SHISA9: variants seen among roughly 807,000 people sequenced by gnomAD.
The protein encoded by SHISA9 is shisa family member 9.
A neutral mutation model predicts 38.0 loss-of-function variants in SHISA9; 13 were observed. The ratio of observed to expected loss-of-function variants is 0.34; its 90% CI spans 0.22 to 0.54. The LOEUF (loss-of-function observed/expected upper bound fraction) is 0.54, where lower values mean the gene tolerates loss of function less well. SHISA9 is among the 20% of genes least tolerant of loss of function. SHISA9 has a pLI of 0.91. For missense variants in SHISA9, 538 were observed against 575.8 expected (o/e 0.93, Z 0.67); for synonymous variants, 275 against 242.0 (o/e 1.14, Z -1.27).
chr16:13,463,772 C>T, the SHISA9 span, among the ~76,000 whole-genome samples: 1 of 152,164 alleles, frequency 6.6e-6, no homozygotes, highest in Non-Finnish European at 1.5e-5. Flanking sequence ...AATCAGCAGG[C>T]AAAGAATTGA....
chr16:13,059,807 G>T (rs996684806), intron 2 of SHISA9, among the ~76,000 whole-genome samples: 1 of 152,110 alleles, frequency 6.6e-6, no homozygotes, highest in African/African-American at 2.4e-5. Flanking sequence ...TTACAAAAGG[G>T]GAGGTTTGGA....
At chr16:13,022,296 C>T (rs1456382535) in intron 2 of SHISA9, among the ~76,000 whole-genome samples, 1 of 151,808 alleles carries the variant, frequency 6.6e-6, no homozygotes, top group Non-Finnish European at 1.5e-5. Flanking sequence ...GGACGACAGG[C>T]ATGCACCACA....
At chr16:13,371,918 C>T in the SHISA9 span, among the ~76,000 whole-genome samples, 1 of 152,234 alleles carries the variant, frequency 6.6e-6, no homozygotes, top group East Asian at 1.9e-4. Flanking sequence ...TCAAACCCAC[C>T]CAGAGTCACA....
At chr16:13,018,941 C>T (rs927164041) in intron 2 of SHISA9, among the ~76,000 whole-genome samples, 15 of 152,222 alleles carry the variant, frequency 9.9e-5, no homozygotes, top group African/African-American at 3.4e-4. Context: ...CATTACTTTG[C>T]TCAAGCTACC....
At chr16:12,973,102 C>T (rs2072106634) in intron 2 of SHISA9, among the ~76,000 whole-genome samples, 1 of 152,120 alleles carries the variant, frequency 6.6e-6, no homozygotes, top group South Asian at 2.1e-4. Flanking sequence ...GGCAACAGAG[C>T]AAGATTCCAT....
At chr16:13,444,605 A>G in the SHISA9 span, among the ~76,000 whole-genome samples, 1 of 152,068 alleles carries the variant, frequency 6.6e-6, no homozygotes, top group Non-Finnish European at 1.5e-5. Context: ...TGTGTGAGCA[A>G]CACCAAACTG....
chr16:13,118,727 T>TCTC, intron 2 of SHISA9, among the ~76,000 whole-genome samples: 1 of 97,204 alleles, frequency 1.0e-5, no homozygotes, highest in Admixed American at 1.2e-4. Context: ...TCTTTTCTTT[T>TCTC]TTCTTTTTTT....
chr16:13,252,571 A>G, the SHISA9 span, among the ~76,000 whole-genome samples: 96 of 151,998 alleles, frequency 6.3e-4, no homozygotes, highest in Non-Finnish European at 9.3e-4. Context: ...ATTATATTTC[A>G]CCTTCTCAGT....
chr16:13,389,848 C>G, the SHISA9 span, among the ~76,000 whole-genome samples: 1 of 152,222 alleles, frequency 6.6e-6, no homozygotes, highest in Admixed American at 6.5e-5. Flanking sequence ...GCTATAATCA[C>G]TGAGGAATTC....
At chr16:12,955,005 G>T (rs2071809833) in intron 2 of SHISA9, among the ~76,000 whole-genome samples, 1 of 152,028 alleles carries the variant, frequency 6.6e-6, no homozygotes, top group Admixed American at 6.6e-5. Flanking sequence ...GCCTGGTACA[G>T]GGTTATCTCC....
chr16:13,297,578 C>T, the SHISA9 span, among the ~76,000 whole-genome samples: 2 of 152,056 alleles, frequency 1.3e-5, no homozygotes, highest in Non-Finnish European at 2.9e-5. Flanking sequence ...GGATTCCCAG[C>T]AAGAACGGAG....
intron 2 of SHISA9, among the ~76,000 whole-genome samples, chr16:12,923,841 CAA>C (rs1176140957): frequency 7.2e-6 from 1 of 139,622 alleles, no homozygotes; most frequent in African/African-American, 2.7e-5. Context: ...ACTCCATCTC[CAA>C]AAAAAAAAAA....
At chr16:13,027,174 C>G (rs1252334089) in intron 2 of SHISA9, among the ~76,000 whole-genome samples, 1 of 152,206 alleles carries the variant, frequency 6.6e-6, no homozygotes, top group Non-Finnish European at 1.5e-5. Context: ...GTGAAGAGTC[C>G]TCAGCTTTCT....
chr16:13,258,867 C>G, the SHISA9 span, among the ~76,000 whole-genome samples: 1 of 152,158 alleles, frequency 6.6e-6, no homozygotes. Context: ...AGATACGATT[C>G]AAGTTAAGAT....
chr16:13,179,701 A>G (rs1325329707), intron 2 of SHISA9, among the ~76,000 whole-genome samples: 1 of 152,238 alleles, frequency 6.6e-6, no homozygotes, highest in Non-Finnish European at 1.5e-5. Flanking sequence ...TGTTCTATCA[A>G]TTAATGATTT....
chr16:13,153,560 A>G (rs1199199350), intron 2 of SHISA9, among the ~76,000 whole-genome samples: 1 of 152,158 alleles, frequency 6.6e-6, no homozygotes, highest in East Asian at 1.9e-4. Flanking sequence ...TTTCCACAAC[A>G]GAGAGGGTTC....
intron 2 of SHISA9, among the ~76,000 whole-genome samples, chr16:13,141,716 A>G (rs1206071799): frequency 2.0e-5 from 3 of 152,124 alleles, no homozygotes; most frequent in Non-Finnish European, 4.4e-5. Flanking sequence ...AATAGTTTAG[A>G]TTTACAGAAA....
the SHISA9 span, among the ~76,000 whole-genome samples, chr16:13,342,218 A>G: frequency 6.6e-6 from 1 of 152,124 alleles, no homozygotes; most frequent in African/African-American, 2.4e-5. Context: ...CGTGCTCTAT[A>G]TCTCAGCTGC....
chr16:13,474,910 G>T, the SHISA9 span, among the ~76,000 whole-genome samples: 2 of 152,180 alleles, frequency 1.3e-5, no homozygotes, highest in African/African-American at 2.4e-5. Flanking sequence ...AAGATGAAAG[G>T]GGATGAAGCT....
Sources: gnomAD v4.1 joint callset for allele counts (sites outside exome capture counted in the v4.1 genomes callset) on GRCh38, gnomAD v4.1.1 for gene constraint, MANE v1.5 for transcripts, NCBI Gene and HGNC (gene_info 2026-07-23, HGNC 2026-07-21) for gene names.